Variants in ZEB1 observed in about 807,000 individuals in gnomAD.
ZEB1 encodes the protein zinc finger E-box binding homeobox 1.
A neutral mutation model predicts 84.9 loss-of-function variants in ZEB1; 21 were observed. That is an observed-to-expected ratio of 0.25 (90% CI 0.18 to 0.36). ZEB1 has a LOEUF of 0.36. Ranked by LOEUF, ZEB1 falls within the 10% of genes least tolerant of loss-of-function variation. The pLI is 1.00. For synonymous variants in ZEB1, 420 were observed against 471.1 expected, an observed-to-expected ratio of 0.89 and a Z score of 1.41; for missense variants, 1,104 against 1,330.2, an observed-to-expected ratio of 0.83 and a Z score of 2.65.
chr10:31,474,220 T>TA (rs1174124067), intron 2 of ZEB1, among the ~76,000 whole-genome samples: 1 of 151,824 alleles, frequency 6.6e-6, no homozygotes. Flanking sequence ...GGGATCTAAT[T>TA]AAACTAAAGA....
At chr10:31,495,962 T>C in intron 3 of ZEB1, 124 bp downstream of exon 3, 1 of 1,030,478 alleles carries the variant, frequency 9.7e-7, no homozygotes, top group Admixed American at 1.8e-5. Flanking sequence ...CTTCCTTAAA[T>C]GTTTAAGTAC....
At chr10:31,480,677 A>C (rs936529240) in intron 2 of ZEB1, among the ~76,000 whole-genome samples, 1 of 152,088 alleles carries the variant, frequency 6.6e-6, no homozygotes, top group Non-Finnish European at 1.5e-5. Flanking sequence ...GCACTAATGA[A>C]GGAGTGTAGG....
At chr10:31,441,232 G>A (rs2136533315) in intron 1 of ZEB1, among the ~76,000 whole-genome samples, 1 of 152,278 alleles carries the variant, frequency 6.6e-6, no homozygotes, top group African/African-American at 2.4e-5. Context: ...GAACAGAACA[G>A]AGGCCTCAGA....
At chr10:31,401,470 G>C (rs1387873393) in intron 1 of ZEB1, among the ~76,000 whole-genome samples, 2 of 152,058 alleles carry the variant, frequency 1.3e-5, no homozygotes, top group African/African-American at 2.4e-5. Context: ...ACAGAAGCAC[G>C]GTGAACTGAA....
In ZEB1 at chr10:31,461,152, G is replaced by A. The variant is rs760520181; in HGVS notation, c.174G>A (p.Glu58=). 5.6e-6 allele frequency: 9 copies of A among 1,613,562 alleles called. No individual in the cohort carries two copies. The highest frequency in any genetic ancestry group is 4.2e-6 in the Non-Finnish European group (5 of 1,179,724). ...CAGCTGACTGTGAAGGTGTACCAGA[G>A]GATGACCTGCCAACAGACCAGACAG... ...TDAADCEGVP[E]DDLPTDQTVL... The change falls in exon 2 of 9, where the codon GAG becomes GAA. Residue 58 remains glutamate (E), a synonymous_variant. Coordinates refer to ENST00000424869, the MANE Select transcript of ZEB1 (RefSeq NM_001174096.2).
chr10:31,384,058 C>T (rs369677231), intron 1 of ZEB1, among the ~76,000 whole-genome samples: 2 of 146,836 alleles, frequency 1.4e-5, no homozygotes, highest in East Asian at 4.2e-4. Context: ...ACTGCAGCCT[C>T]ACCACCTCCT....
Position 31,509,404 on chromosome 10 carries a change from T to G in ZEB1, c.485-1269T>G, listed in dbSNP as rs115212757. Among the ~76,000 whole-genome samples the G allele has an allele frequency of 6.1e-3, 930 of 152,318 alleles. 11 individuals carry two copies. Among genetic ancestry groups the G allele is most frequent in the African/African-American group, 0.021 (874 of 41,568 alleles). On this transcript the variant is annotated intron_variant, in intron 4 of 8. Transcript: ENST00000424869. ...AGCCTTTGCAGGTTGCTTTACTTCC[T>G]TCTTCCTTACTTGAGGTGTTTCCTG...
intron 5 of ZEB1, among the ~76,000 whole-genome samples, chr10:31,512,175 G>GTT (rs2070187738): frequency 6.6e-6 from 1 of 152,110 alleles, no homozygotes; most frequent in African/African-American, 2.4e-5. Flanking sequence ...GCTTGGGAAA[G>GTT]AGCCTACTCA....
At chr10:31,474,647 G>T (rs2063794145) in intron 2 of ZEB1, among the ~76,000 whole-genome samples, 1 of 152,226 alleles carries the variant, frequency 6.6e-6, no homozygotes, top group Admixed American at 6.5e-5. Flanking sequence ...GTGGAAGTCA[G>T]TGCGGCGATT....
intron 1 of ZEB1, among the ~76,000 whole-genome samples, chr10:31,328,867 C>T (rs1589981733): frequency 6.6e-6 from 1 of 152,052 alleles, no homozygotes; most frequent in South Asian, 2.1e-4. Context: ...ATAGTCTAAG[C>T]AACATGGAGT....
chr10:31,499,844 A>G (rs1357227282), intron 3 of ZEB1, among the ~76,000 whole-genome samples: 2 of 152,162 alleles, frequency 1.3e-5, no homozygotes, highest in East Asian at 3.8e-4. Context: ...ACTAAGTAGT[A>G]AAGTCAAGAT....
Position 31,461,144 on chromosome 10 carries a change from G to T in ZEB1, c.166G>T (p.Val56Leu), listed in dbSNP as rs767302809. The T allele has an allele frequency of 6.2e-7, 1 of 1,613,582 alleles. No individual in the cohort carries two copies. Among genetic ancestry groups the T allele is most frequent in the Middle Eastern group, 1.7e-4 (1 of 6,060 alleles). Reference protein sequence around the residue: ...SVTDAADCEGVPEDDLPTDQT... With the variant: ...SVTDAADCEGLPEDDLPTDQT... Reference sequence around the variant, plus strand: ...TACAGATGCAGCTGACTGTGAAGGTGTACCAGAGGATGACCTGCCAACAGA... The same window carrying T: ...TACAGATGCAGCTGACTGTGAAGGTTTACCAGAGGATGACCTGCCAACAGA... Residue 56 changes from valine to leucine, a missense_variant, in exon 2 of 9, where the codon GTA becomes TTA. Physicochemically the swap from Val to Leu is conservative, Grantham distance 32 (BLOSUM62 1). Transcript: ENST00000424869.
intron 1 of ZEB1, among the ~76,000 whole-genome samples, chr10:31,348,807 C>T (rs567320050): frequency 5.9e-5 from 9 of 152,176 alleles, no homozygotes; most frequent in Non-Finnish European, 1.2e-4. Context: ...TCATTATCTT[C>T]TGTTATTTGT....
chr10:31,431,556 T>A (rs1387177059), intron 1 of ZEB1, among the ~76,000 whole-genome samples: 2 of 152,166 alleles, frequency 1.3e-5, no homozygotes, highest in East Asian at 1.9e-4. Flanking sequence ...TAAGCTTTTT[T>A]AAACTCCGCA....
chr10:31,475,202 A>T (rs2063934849), intron 2 of ZEB1, among the ~76,000 whole-genome samples: 1 of 150,250 alleles, frequency 6.7e-6, no homozygotes, highest in African/African-American at 2.5e-5. Flanking sequence ...CTAAAACTTA[A>T]AGTATAATAA....
intron 1 of ZEB1, among the ~76,000 whole-genome samples, chr10:31,377,603 T>G (rs2046875024): frequency 6.6e-6 from 1 of 151,790 alleles, no homozygotes; most frequent in Non-Finnish European, 1.5e-5. Context: ...CAAATTGAGT[T>G]TTACATGTAC....
intron 6 of ZEB1, among the ~76,000 whole-genome samples, chr10:31,515,295 T>C (rs1353623459): frequency 6.6e-6 from 1 of 152,062 alleles, no homozygotes; most frequent in Non-Finnish European, 1.5e-5. Context: ...ATGAAAGTGT[T>C]GTGTCTATTT....
chr10:31,389,916 A>G (rs1339165746), intron 1 of ZEB1, among the ~76,000 whole-genome samples: 4 of 152,134 alleles, frequency 2.6e-5, no homozygotes, highest in Non-Finnish European at 5.9e-5. Flanking sequence ...CAAGTGCTCA[A>G]TAGCCGCACG....
At chr10:31,472,807 C>T (rs1275954587) in intron 2 of ZEB1, among the ~76,000 whole-genome samples, 2 of 139,550 alleles carry the variant, frequency 1.4e-5, no homozygotes, top group Non-Finnish European at 3.0e-5. Flanking sequence ...CAAAAATCCT[C>T]AGTAAAATAC....
Sources: gnomAD v4.1 joint callset for allele counts (sites outside exome capture counted in the v4.1 genomes callset) on GRCh38, gnomAD v4.1.1 for gene constraint, MANE v1.5 for transcripts, NCBI Gene and HGNC (gene_info 2026-07-23, HGNC 2026-07-21) for gene names.